TENM3: variants seen among roughly 807,000 people sequenced by gnomAD.
The protein encoded by TENM3 is teneurin transmembrane protein 3, also known as teneurin-3.
Under a neutral mutation model 255.1 loss-of-function variants are expected in TENM3, and 63 were observed. The observed-to-expected ratio is 0.25, with a 90% CI of 0.20 to 0.30. The LOEUF (loss-of-function observed/expected upper bound fraction) is 0.30. TENM3 is among the 10% of genes least tolerant of loss of function. The pLI is 1.00. For synonymous variants in TENM3, 1,306 were observed against 1,322.3 expected (o/e 0.99, Z 0.27); for missense variants, 2,929 against 3,461.1 (o/e 0.85, Z 3.86).
chr4:181,456,163 A>G, the TENM3 span, among the ~76,000 whole-genome samples: 2 of 146,954 alleles, frequency 1.4e-5, no homozygotes, highest in African/African-American at 5.2e-5. Flanking sequence ...GTGTGTACAC[A>G]TGTGTGTGTA....
At chr4:182,537,140 GC>G (rs1453052297) in intron 3 of TENM3, among the ~76,000 whole-genome samples, 1 of 152,138 alleles carries the variant, frequency 6.6e-6, no homozygotes, top group Non-Finnish European at 1.5e-5. Flanking sequence ...CCATTTCTCT[GC>G]TCTAGAATAT....
At chr4:181,902,000 G>A in the TENM3 span, among the ~76,000 whole-genome samples, 1 of 151,984 alleles carries the variant, frequency 6.6e-6, no homozygotes, top group Non-Finnish European at 1.5e-5. Context: ...TACAGGACTG[G>A]ATAGTGTTAA....
the TENM3 span, among the ~76,000 whole-genome samples, chr4:181,937,426 G>A: frequency 6.6e-6 from 1 of 152,166 alleles, no homozygotes; most frequent in Non-Finnish European, 1.5e-5. Flanking sequence ...GGAAGAAGAG[G>A]GGCAGGGCAT....
At chr4:181,830,621 G>A in the TENM3 span, among the ~76,000 whole-genome samples, 1 of 151,814 alleles carries the variant, frequency 6.6e-6, no homozygotes, top group South Asian at 2.1e-4. Flanking sequence ...TTTCTCACCT[G>A]TAAACTAGGG....
chr4:181,946,366 C>T, the TENM3 span, among the ~76,000 whole-genome samples: 1 of 152,172 alleles, frequency 6.6e-6, no homozygotes. Flanking sequence ...CTTTTGGCAA[C>T]ATGCTAGAAG....
At chr4:181,778,914 G>A in the TENM3 span, among the ~76,000 whole-genome samples, 2 of 152,084 alleles carry the variant, frequency 1.3e-5, no homozygotes, top group Non-Finnish European at 2.9e-5. Context: ...ATGAAATGAG[G>A]ATTTATAATA....
At chr4:181,523,039 T>G in the TENM3 span, 3 of 606,794 alleles carry the variant, frequency 4.9e-6, no homozygotes, top group Non-Finnish European at 9.6e-6. Context: ...AGAAGGGAAA[T>G]CGCAAACGGA....
chr4:181,668,480 G>A, the TENM3 span, among the ~76,000 whole-genome samples: 1 of 152,172 alleles, frequency 6.6e-6, no homozygotes, highest in Non-Finnish European at 1.5e-5. Context: ...CCATCCAAAG[G>A]TGCTGGGGAA....
chr4:181,537,471 G>T, the TENM3 span, among the ~76,000 whole-genome samples: 4 of 152,086 alleles, frequency 2.6e-5, no homozygotes, highest in African/African-American at 9.7e-5. Flanking sequence ...TGAAATAAGG[G>T]TTAGTCTGAG....
At chr4:182,779,302 A>G (rs1161730066) in intron 24 of TENM3, among the ~76,000 whole-genome samples, 7 of 151,582 alleles carry the variant, frequency 4.6e-5, no homozygotes, top group African/African-American at 1.2e-4. Context: ...GTGAGAATAT[A>G]CGGTGTTTGG....
At chr4:182,073,075 A>C in the TENM3 span, among the ~76,000 whole-genome samples, 4 of 152,164 alleles carry the variant, frequency 2.6e-5, no homozygotes, top group African/African-American at 2.4e-5. Context: ...AATTTATATA[A>C]AGAAAAGGGG....
In TENM3 at chr4:182,755,341, G is replaced by A. The variant is rs1483175964; in HGVS notation, c.4892+82G>A. The A allele has an allele frequency of 7.2e-6, 9 of 1,257,890 alleles. No homozygotes were observed. In the Admixed American group the frequency reaches 2.0e-4, roughly 28 times the overall value. 77.9% of individuals were successfully genotyped at this position (1,257,890 alleles called of 1,614,324 possible). ...CTATAATAACAATATAATCTTAAGA[G>A]CTGGAGGATTCCATGTTTTTGAGAG... On this transcript the variant is annotated intron_variant, in intron 22 of 27. Coordinates refer to ENST00000511685, the MANE Select transcript of TENM3 (RefSeq NM_001080477.4).
At chr4:181,641,873 G>A in the TENM3 span, among the ~76,000 whole-genome samples, 1 of 112,466 alleles carries the variant, frequency 8.9e-6, no homozygotes, top group Non-Finnish European at 1.7e-5. Flanking sequence ...GTCTATCATT[G>A]ATGGACATTT....
At chr4:182,725,644 T>TTC (rs1760106693) in intron 13 of TENM3, among the ~76,000 whole-genome samples, 1 of 148,964 alleles carries the variant, frequency 6.7e-6, no homozygotes, top group Non-Finnish European at 1.5e-5. Flanking sequence ...TTCTTTTTTT[T>TTC]TTTTTCTTTG....
At chr4:181,813,580 C>G in the TENM3 span, among the ~76,000 whole-genome samples, 2 of 152,094 alleles carry the variant, frequency 1.3e-5, no homozygotes, top group South Asian at 2.1e-4. Flanking sequence ...AGTTAAGAGA[C>G]CAGGAAGTAA....
chr4:181,677,221 T>C, the TENM3 span, among the ~76,000 whole-genome samples: 1 of 152,074 alleles, frequency 6.6e-6, no homozygotes, highest in East Asian at 1.9e-4. Flanking sequence ...CGTCTGATGT[T>C]CTCACTCATG....
chr4:182,148,046 G>A (rs1362357245), intron 1 of TENM3, among the ~76,000 whole-genome samples: 1 of 152,068 alleles, frequency 6.6e-6, no homozygotes, highest in Non-Finnish European at 1.5e-5. Flanking sequence ...ATAAACCTTA[G>A]TCTGAAAACT....
At chr4:181,805,594 C>T in the TENM3 span, among the ~76,000 whole-genome samples, 9 of 70,380 alleles carry the variant, frequency 1.3e-4, no homozygotes, top group Admixed American at 1.0e-3. Flanking sequence ...CGTGTGTGCA[C>T]TTTTGTGTGT....
chr4:181,589,736 A>C, the TENM3 span, among the ~76,000 whole-genome samples: 1 of 152,212 alleles, frequency 6.6e-6, no homozygotes, highest in Non-Finnish European at 1.5e-5. Context: ...TTATGTACTG[A>C]ATCCAACAAA....
Sources: allele counts gnomAD v4.1 joint callset (sites outside exome capture counted in the v4.1 genomes callset), GRCh38; gene constraint gnomAD v4.1.1; transcripts MANE v1.5; gene names NCBI Gene and HGNC (gene_info 2026-07-23, HGNC 2026-07-21).